The following C16orf87 variants were observed in gnomAD, a reference collection of about 807,000 sequenced individuals.
The protein encoded by C16orf87 is UPF0547 protein C16orf87.
In C16orf87, 13 loss-of-function variants were observed where a neutral mutation model predicts 21.0. The observed-to-expected ratio is 0.62, with a 90% confidence interval of 0.40 to 0.98. The LOEUF is 0.98. Among genes scored for constraint, C16orf87 ranks in the 50% least tolerant of loss-of-function variants. The pLI is 0.00. For missense variants in C16orf87, 113 were observed against 180.4 expected, an observed-to-expected ratio of 0.63 and a Z score of 2.14; for synonymous variants, 49 against 60.2, an observed-to-expected ratio of 0.81 and a Z score of 0.86.
chr16:46,812,906 T>C (rs1968136729), intron 2 of C16orf87, among the ~76,000 whole-genome samples: 1 of 152,200 alleles, frequency 6.6e-6, no homozygotes, highest in Non-Finnish European at 1.5e-5. Flanking sequence ...AGATGACTAC[T>C]ACTTTCCTTG....
intron 2 of C16orf87, 71 bp downstream of exon 2, chr16:46,824,315 T>A: frequency 1.3e-6 from 1 of 747,752 alleles, no homozygotes; most frequent in East Asian, 2.7e-5. Context: ...AAAATGTAAA[T>A]AGAAACTTCA....
intron 1 of C16orf87, among the ~76,000 whole-genome samples, chr16:46,827,829 C>A (rs1333438083): frequency 1.3e-5 from 2 of 151,578 alleles, no homozygotes; most frequent in African/African-American, 4.8e-5. Flanking sequence ...GTGATCCACC[C>A]ACCTCGGCCT....
intron 3 of C16orf87, among the ~76,000 whole-genome samples, chr16:46,805,525 A>C (rs964965414): frequency 6.6e-6 from 1 of 152,184 alleles, no homozygotes; most frequent in Non-Finnish European, 1.5e-5. Context: ...AGATATTAAT[A>C]GTAGTTTATA....
At chr16:46,824,098 T>G (rs766493190) in intron 2 of C16orf87, among the ~76,000 whole-genome samples, 1 of 152,192 alleles carries the variant, frequency 6.6e-6, no homozygotes, top group Non-Finnish European at 1.5e-5. Context: ...TTTAAAAAGT[T>G]TTTATATCAG....
intron 1 of C16orf87, among the ~76,000 whole-genome samples, chr16:46,825,810 T>TG (rs1959593272): frequency 6.7e-6 from 1 of 149,206 alleles, no homozygotes; most frequent in Admixed American, 6.8e-5. Context: ...GCTACTTGGG[T>TG]GGCTGAGGCA....
chr16:46,813,906 T>C (rs1968169962), intron 2 of C16orf87, among the ~76,000 whole-genome samples: 1 of 152,220 alleles, frequency 6.6e-6, no homozygotes. Context: ...ATATAGGCTT[T>C]ATGAAACTTG....
At position 46,803,015 on chromosome 16, in the gene C16orf87, G is replaced by A. The variant is rs768298577; in HGVS notation, c.402C>T (p.Phe134=). 7.5e-6 allele frequency: 12 copies of A among 1,607,074 alleles called. No individual in the cohort carries two copies. The highest frequency in any genetic ancestry group is 1.9e-4 in the Middle Eastern group (1 of 5,402). The change falls in exon 4 of 4, where the codon TTC becomes TTT. Residue 134 remains phenylalanine, a synonymous_variant. Coordinates refer to ENST00000285697, the MANE Select transcript of C16orf87 (RefSeq NM_001001436.4). ...IYANLSDEKA[F]VFSVALAEIN... ...TTTCTGCCAAGGCGACTGAAAACAC[G>A]AAAGCCTTTTCATCAGACAGGTTAG...
chr16:46,830,334 G>A lies in C16orf87; in HGVS notation c.66+750C>T, dbSNP rs145105916. ...ACACACAGAGACATTCAGACAGACA[G>A]GGATACAGATCTGGAAGCAGACAGG... On this transcript the variant is annotated intron_variant, in intron 1 of 3. Coordinates refer to ENST00000285697, the MANE Select transcript of C16orf87 (RefSeq NM_001001436.4). 3.4e-3 allele frequency among the ~76,000 whole-genome samples: 500 copies of A among 146,332 alleles called. 1 individual carries two copies. The highest frequency in any genetic ancestry group is 5.2e-3 in the Non-Finnish European group (344 of 66,048).
intron 2 of C16orf87, among the ~76,000 whole-genome samples, chr16:46,819,319 A>G (rs1959315434): frequency 6.6e-6 from 1 of 152,072 alleles, no homozygotes; most frequent in African/African-American, 2.4e-5. Context: ...TCTTGAGCTC[A>G]AAGTGAACTG....
intron 3 of C16orf87, among the ~76,000 whole-genome samples, chr16:46,806,000 T>C (rs1967918166): frequency 6.6e-6 from 1 of 152,172 alleles, no homozygotes; most frequent in African/African-American, 2.4e-5. Flanking sequence ...CTGTATTATT[T>C]ACCTTTTTCA....
At chr16:46,812,769 C>G (rs1968131262) in intron 2 of C16orf87, among the ~76,000 whole-genome samples, 1 of 152,146 alleles carries the variant, frequency 6.6e-6, no homozygotes, top group African/African-American at 2.4e-5. Context: ...CCCATTCACT[C>G]ATCAAATCTA....
At chr16:46,829,477 A>G (rs1412374724) in intron 1 of C16orf87, among the ~76,000 whole-genome samples, 1 of 152,206 alleles carries the variant, frequency 6.6e-6, no homozygotes, top group Non-Finnish European at 1.5e-5. Flanking sequence ...CTTTATGCCA[A>G]TTAGAACAAA....
rs773989833 is a variant in C16orf87 at position 46,803,045 on chromosome 16, G to A, written c.372C>T (p.Ile124=). 1.7e-5 allele frequency: 27 copies of A among 1,586,748 alleles called. No homozygotes were observed. The highest frequency in any genetic ancestry group is 2.2e-5 in the East Asian group (1 of 44,518). ...EREKQEKEID[I]YANLSDEKAF... ...CCTTTTCATCAGACAGGTTAGCATA[G>A]ATGTCAATTTCCTTTTCCTGTTTCT... The change falls in exon 4 of 4, where the codon ATC becomes ATT. Residue 124 remains isoleucine, a synonymous_variant. Coordinates refer to ENST00000285697, the MANE Select transcript of C16orf87 (RefSeq NM_001001436.4).
At chr16:46,824,667 CT>C (rs71134504) in intron 1 of C16orf87, among the ~76,000 whole-genome samples, 185 bp from the exon 2 acceptor site, 14 of 137,030 alleles carry the variant, frequency 1.0e-4, no homozygotes, top group Admixed American at 3.0e-4. Flanking sequence ...TATTCACATT[CT>C]TTTTTTTTTT....
intron 3 of C16orf87, among the ~76,000 whole-genome samples, chr16:46,805,170 T>C (rs1967891754): frequency 6.6e-6 from 1 of 152,190 alleles, no homozygotes; most frequent in African/African-American, 2.4e-5. Context: ...AATAAATAAT[T>C]GTCATTGTTA....
At chr16:46,805,524 T>G (rs572864260) in intron 3 of C16orf87, among the ~76,000 whole-genome samples, 2 of 152,204 alleles carry the variant, frequency 1.3e-5, no homozygotes, top group African/African-American at 2.4e-5. Flanking sequence ...AAGATATTAA[T>G]AGTAGTTTAT....
chr16:46,824,183 T>A (rs1475923851), intron 2 of C16orf87, among the ~76,000 whole-genome samples: 3 of 152,220 alleles, frequency 2.0e-5, no homozygotes, highest in African/African-American at 7.2e-5. Flanking sequence ...ACAAGCGTTA[T>A]CAGCATTGTA....
Position 46,802,851 on chromosome 16 carries a change from C to A in C16orf87, c.*101G>T. 1.5e-6 allele frequency: 1 copy of A among 685,974 alleles called. No homozygotes were observed. The highest frequency in any genetic ancestry group is 2.6e-6 in the Non-Finnish European group (1 of 377,854). 42.5% of individuals were successfully genotyped at this position (685,974 alleles called of 1,614,324 possible). On this transcript the variant is annotated 3_prime_UTR_variant, in exon 4 of 4. Transcript: ENST00000285697. Reference sequence around the variant, plus strand: ...CAGGCGAGAAAGAAACAATCGATGGCCCTTATTGATGCAGTCAGAATGCTC... The same window carrying A: ...CAGGCGAGAAAGAAACAATCGATGGACCTTATTGATGCAGTCAGAATGCTC...
At chr16:46,806,975 A>G (rs1967949045) in intron 3 of C16orf87, among the ~76,000 whole-genome samples, 1 of 152,268 alleles carries the variant, frequency 6.6e-6, no homozygotes, top group Admixed American at 6.5e-5. Flanking sequence ...AAAACCAACT[A>G]AATAGCTATT....
Sources: allele counts gnomAD v4.1 joint callset (sites outside exome capture counted in the v4.1 genomes callset), GRCh38; gene constraint gnomAD v4.1.1; transcripts MANE v1.5; gene names NCBI Gene and HGNC (gene_info 2026-07-23, HGNC 2026-07-21).